The following SDHA variants were observed in gnomAD, a reference collection of about 807,000 sequenced individuals.
SDHA encodes succinate dehydrogenase [ubiquinone] flavoprotein subunit, mitochondrial.
Under a neutral mutation model 78.4 loss-of-function variants are expected in SDHA, and 48 were observed. The observed-to-expected ratio is 0.61, with a 90% CI of 0.49 to 0.78. The LOEUF (loss-of-function observed/expected upper bound fraction) is 0.78. SDHA is among the 30% of genes least tolerant of loss of function. The probability of loss-of-function intolerance (pLI) is 0.00; values close to 1 mark genes in which losing one functional copy is unlikely to be tolerated. For missense variants in SDHA, 680 were observed against 892.7 expected, an observed-to-expected ratio of 0.76 and a Z score of 3.04; for synonymous variants, 326 against 353.9, an observed-to-expected ratio of 0.92 and a Z score of 0.88.
intron 1 of SDHA, among the ~76,000 whole-genome samples, chr5:219,533 T>C (rs1208440763): frequency 6.6e-6 from 1 of 152,212 alleles, no homozygotes; most frequent in East Asian, 1.9e-4. Context: ...ATTAAAAATC[T>C]CGTTGAGTTA....
At chr5:235,938 G>A (rs1459778205) in intron 9 of SDHA, 1 of 239,368 alleles carries the variant, frequency 4.2e-6, no homozygotes, top group Non-Finnish European at 8.3e-6. Context: ...GGGGCAGAGG[G>A]GAAACTGGGG....
chr5:228,459 A>C (rs978638416), intron 6 of SDHA, 126 bp downstream of exon 6: 10 of 1,066,910 alleles, frequency 9.4e-6, no homozygotes, highest in Non-Finnish European at 1.1e-5. Flanking sequence ...TGATATAACC[A>C]TGTGAGGGTG....
chr5:260,049 A>C (rs866074869), downstream of SDHA, among the ~76,000 whole-genome samples: 58 of 45,076 alleles, frequency 1.3e-3, no homozygotes, highest in African/African-American at 0.011. Flanking sequence ...GCCTCCCGGC[A>C]GAGCATTACC....
At chr5:218,443 CG>C in intron 1 of SDHA, 25 bp downstream of exon 1, 2 of 1,361,040 alleles carry the variant, frequency 1.5e-6, no homozygotes, top group Non-Finnish European at 1.9e-6. Flanking sequence ...CGGACCGGGG[CG>C]GGGCAGGCGG....
At chr5:232,093 C>T (rs1398716724) in intron 7 of SDHA, among the ~76,000 whole-genome samples, 4 of 152,168 alleles carry the variant, frequency 2.6e-5, no homozygotes, top group African/African-American at 7.2e-5. Context: ...GACCTGTGGA[C>T]GATGGAGACC....
intron 11 of SDHA, among the ~76,000 whole-genome samples, chr5:244,611 G>A (rs1189019866): frequency 1.3e-5 from 2 of 152,204 alleles, no homozygotes; most frequent in East Asian, 3.8e-4. Context: ...TAAAGGTTTG[G>A]TAGATGCAGG....
At chr5:241,198 C>T (rs1275830580) in intron 11 of SDHA, among the ~76,000 whole-genome samples, 1 of 152,134 alleles carries the variant, frequency 6.6e-6, no homozygotes, top group East Asian at 1.9e-4. Flanking sequence ...CCTCCGTGAC[C>T]TGACCATTGC....
intron 13 of SDHA, among the ~76,000 whole-genome samples, chr5:254,111 C>T (rs1185698263): frequency 8.2e-5 from 12 of 147,164 alleles, no homozygotes; most frequent in Non-Finnish European, 1.8e-4. Flanking sequence ...GCACATGGAG[C>T]AAAAAGACAA....
At chr5:226,509 G>T (rs1190715949) in intron 5 of SDHA, among the ~76,000 whole-genome samples, 1 of 152,104 alleles carries the variant, frequency 6.6e-6, no homozygotes, top group African/African-American at 2.4e-5. Context: ...GTACATGCTT[G>T]TAATCCCAGT....
At chr5:218,735 C>G (rs1337721791) in intron 1 of SDHA, among the ~76,000 whole-genome samples, 2 of 152,240 alleles carry the variant, frequency 1.3e-5, no homozygotes, top group Non-Finnish European at 2.9e-5. Flanking sequence ...GAGGTAGCCC[C>G]TCGCCTCAGT....
chr5:234,441 A>AC (rs1735634836), intron 8 of SDHA: 1 of 144,412 alleles, frequency 6.9e-6, no homozygotes, highest in African/African-American at 2.9e-5. Flanking sequence ...AAAAAAAAAA[A>AC]AAACAGAGAA....
intron 11 of SDHA, among the ~76,000 whole-genome samples, chr5:243,194 C>T (rs1357118076): frequency 6.6e-6 from 1 of 152,188 alleles, no homozygotes; most frequent in Non-Finnish European, 1.5e-5. Flanking sequence ...GGAAATATTA[C>T]AGCTACATTT....
chr5:226,338 G>A (rs6555059), intron 5 of SDHA, among the ~76,000 whole-genome samples: 112,596 of 152,108 alleles, frequency 0.74, 42,195 homozygotes, highest in African/African-American at 0.78. Context: ...ACATACAAGA[G>A]CAGAGCAAGC....
chr5:232,579 C>G (rs1374264119), intron 7 of SDHA, among the ~76,000 whole-genome samples: 1 of 152,070 alleles, frequency 6.6e-6, no homozygotes, highest in African/African-American at 2.4e-5. Context: ...CCTGAATTCC[C>G]TCTGTAATTT....
intron 11 of SDHA, chr5:249,037 T>C (rs1455631378): frequency 2.5e-6 from 1 of 404,098 alleles, no homozygotes; most frequent in Non-Finnish European, 4.7e-6. Context: ...TACAAACTTG[T>C]CTTTGGATAT....
chr5:257,818 G>T (rs2126649951), downstream of SDHA, among the ~76,000 whole-genome samples: 1 of 66,414 alleles, frequency 1.5e-5, no homozygotes, highest in Non-Finnish European at 2.9e-5. Context: ...GCATTACTGG[G>T]TGAGCTCCAC....
At chr5:227,218 C>T (rs868434977) in intron 5 of SDHA, among the ~76,000 whole-genome samples, 52 of 152,260 alleles carry the variant, frequency 3.4e-4, no homozygotes, top group African/African-American at 1.2e-3. Context: ...CCATGTTGCC[C>T]AGGCTGGTCC....
intron 11 of SDHA, among the ~76,000 whole-genome samples, chr5:246,893 C>T (rs559982190): frequency 6.6e-5 from 10 of 152,310 alleles, no homozygotes; most frequent in Admixed American, 3.9e-4. Context: ...GTCCCTCTCA[C>T]GAAGGCACAA....
the SDHA span, among the ~76,000 whole-genome samples, chr5:268,188 C>CT: frequency 3.2e-3 from 460 of 145,068 alleles, 4 homozygotes; most frequent in East Asian, 0.01. Context: ...TTTTTTCTTT[C>CT]TTTTTTTTTT....
Sources: gnomAD v4.1 joint callset for allele counts (sites outside exome capture counted in the v4.1 genomes callset) on GRCh38, gnomAD v4.1.1 for gene constraint, MANE v1.5 for transcripts, NCBI Gene and HGNC (gene_info 2026-07-23, HGNC 2026-07-21) for gene names.